Variants in PIGN observed in about 807,000 individuals in gnomAD.
The protein encoded by PIGN is GPI ethanolamine phosphate transferase 1.
PIGN carries 117 observed loss-of-function variants against 125.4 expected under a neutral mutation model. The observed-to-expected ratio is 0.93, with a 90% confidence interval of 0.80 to 1.09. The LOEUF is 1.09. Among genes scored for constraint, PIGN ranks in the 50% least tolerant of loss-of-function variants. The pLI, the probability that PIGN is intolerant of heterozygous loss-of-function variation, is 0.00. For missense variants in PIGN, 1,075 were observed against 1,094.9 expected, an observed-to-expected ratio of 0.98 and a Z score of 0.26; for synonymous variants, 392 against 377.8, an observed-to-expected ratio of 1.04 and a Z score of -0.44.
rs542457058 is a variant in PIGN, at chr18:62,172,560, TATTTGTAAATGCAAATGTGC to T, written c.-235-8924_-235-8905del. On this transcript the variant is annotated intron_variant, in intron 1 of 30. Transcript: ENST00000640252. Reference sequence around the variant, plus strand: ...CTTAACTTATAAGTACATTAAGATGTATTTGTAAATGCAAATGTGCATTTGTAAATGCAAATGTATATTTG... The same window carrying T: ...CTTAACTTATAAGTACATTAAGATGTATTTGTAAATGCAAATGTATATTTG... Among the ~76,000 whole-genome samples, 61 of 152,276 alleles carry T rather than the reference TATTTGTAAATGCAAATGTGC, an allele frequency of 4.0e-4. 1 individual carries two copies. The highest frequency in any genetic ancestry group is 2.5e-3 in the East Asian group (13 of 5,180).
intron 1 of PIGN, among the ~76,000 whole-genome samples, chr18:62,172,696 G>A (rs554260006): frequency 2.0e-5 from 3 of 152,238 alleles, no homozygotes; most frequent in South Asian, 4.1e-4. Flanking sequence ...CCACTGCACT[G>A]CTTTGCTAAG....
At chr18:62,061,880 C>T (rs1285587356) in intron 30 of PIGN, among the ~76,000 whole-genome samples, 1 of 152,170 alleles carries the variant, frequency 6.6e-6, no homozygotes, top group Admixed American at 6.5e-5. Flanking sequence ...TGAACCCTAT[C>T]GTATGGTGCT....
intron 14 of PIGN, among the ~76,000 whole-genome samples, chr18:62,121,129 T>A (rs1178341738): frequency 6.6e-6 from 1 of 152,174 alleles, no homozygotes; most frequent in Non-Finnish European, 1.5e-5. Context: ...CATTTGCCAA[T>A]GACACACTAG....
chr18:62,051,601 T>C (rs1352157289), intron 30 of PIGN, among the ~76,000 whole-genome samples: 1 of 152,194 alleles, frequency 6.6e-6, no homozygotes. Context: ...TTTTCTTCTT[T>C]ATTAGTCTTG....
chr18:62,033,627 C>T (rs2030221926), intron 23 of PIGN, among the ~76,000 whole-genome samples: 1 of 152,096 alleles, frequency 6.6e-6, no homozygotes, highest in Non-Finnish European at 1.5e-5. Context: ...TATTTGAACT[C>T]TTCCCTCAAG....
At position 62,045,082 on chromosome 18, in the gene PIGN, G is replaced by A. The variant is rs1181833923; in HGVS notation, c.*774C>T. 4 of 151,918 alleles carry A rather than the reference G, an allele frequency of 2.6e-5. No individual in the cohort carries two copies. The highest frequency in any genetic ancestry group is 4.4e-5 in the Non-Finnish European group (3 of 67,974). 9.4% of individuals were successfully genotyped at this position (151,918 alleles called of 1,614,324 possible). A position where few individuals can be genotyped will look rare whatever the true frequency, so the allele number is the denominator to read the frequency against. On this transcript the variant is annotated 3_prime_UTR_variant, in exon 31 of 31. Coordinates refer to ENST00000640252, the MANE Select transcript of PIGN (RefSeq NM_176787.5). ...ATTCAAAGGGAAAGAAACAATATAC[G>A]AAAAAGCTATGGGGTAACAGATGTT...
At chr18:62,114,759 A>C in intron 14 of PIGN, 120 bp from the exon 15 acceptor site, 1 of 494,602 alleles carries the variant, frequency 2.0e-6, no homozygotes. Context: ...CAAAACAAAA[A>C]TCAAAGAAAA....
In PIGN at chr18:62,097,825, G is replaced by A. The variant is rs934581306; in HGVS notation, c.2078-1875C>T. On this transcript the variant is annotated intron_variant, in intron 22 of 30. Coordinates refer to ENST00000640252, the MANE Select transcript of PIGN (RefSeq NM_176787.5). ...ATGAGAGATGTATCGACTCTCCCCC[G>A]GGATAATAAAAGCAACTACCCAAGT... Among the ~76,000 whole-genome samples the A allele has an allele frequency of 3.9e-5, 6 of 151,940 alleles. No homozygotes were observed. The South Asian group carries it at 6.2e-4, about 16-fold the overall frequency.
chr18:62,102,056 T>G (rs62095313), intron 21 of PIGN, among the ~76,000 whole-genome samples: 1 of 151,486 alleles, frequency 6.6e-6, no homozygotes, highest in Non-Finnish European at 1.5e-5. Context: ...GGTGAAACCC[T>G]GACTCTACTA....
chr18:62,081,102 C>A lies in PIGN; in HGVS notation c.2576+1571G>T, dbSNP rs532054564. Among the ~76,000 whole-genome samples the A allele has an allele frequency of 2.6e-5, 4 of 152,224 alleles. No individual in the cohort carries two copies. The South Asian group carries it at 8.3e-4, about 32-fold the overall frequency. On this transcript the variant is annotated intron_variant, in intron 28 of 30. Transcript: ENST00000640252. ...TCGGAAGAGAAGCAGAATCATTTCACTGGTTTGTTATACTGAACTCGTCCT... is the reference window on the plus strand; with the variant it reads ...TCGGAAGAGAAGCAGAATCATTTCAATGGTTTGTTATACTGAACTCGTCCT...
intron 23 of PIGN, among the ~76,000 whole-genome samples, chr18:62,032,621 T>C (rs2030206839): frequency 6.6e-6 from 1 of 152,256 alleles, no homozygotes; most frequent in Admixed American, 6.5e-5. Context: ...CTTATGCTGA[T>C]GACAAGACAA....
At chr18:62,069,339 T>A (rs1568138817) in intron 30 of PIGN, 1 of 152,210 alleles carries the variant, frequency 6.6e-6, no homozygotes, top group Non-Finnish European at 1.5e-5. Flanking sequence ...TTGGCACCTG[T>A]TTAGAGTCAA....
At chr18:62,104,782 A>G (rs938542193) in intron 20 of PIGN, among the ~76,000 whole-genome samples, 5 of 152,198 alleles carry the variant, frequency 3.3e-5, no homozygotes, top group Non-Finnish European at 5.9e-5. Context: ...AAATGCTTAT[A>G]GCATTCTGAA....
At chr18:62,087,642 G>C (rs758629993) in intron 25 of PIGN, among the ~76,000 whole-genome samples, 1 of 152,146 alleles carries the variant, frequency 6.6e-6, no homozygotes, top group Non-Finnish European at 1.5e-5. Flanking sequence ...GCAAAACAGA[G>C]TAAAAGCAAG....
chr18:62,062,973 G>A (rs1298514602), intron 30 of PIGN, among the ~76,000 whole-genome samples: 1 of 141,882 alleles, frequency 7.0e-6, no homozygotes, highest in Non-Finnish European at 1.5e-5. Flanking sequence ...GGAATGTTAA[G>A]GATAAGGCTG....
chr18:62,054,256 A>C lies in PIGN; in HGVS notation c.2673-8277T>G, dbSNP rs1362333968. ...CATGGACTTAAAAGTAAAATGTAAA[A>C]ACATAAACATTTTAGAAAAAAAATC... On this transcript the variant is annotated intron_variant, in intron 30 of 30. Transcript: ENST00000640252. Among the ~76,000 whole-genome samples the C allele has an allele frequency of 5.6e-4, 85 of 152,126 alleles. 1 individual carries two copies. The highest frequency in any genetic ancestry group is 5.9e-5 in the Non-Finnish European group (4 of 68,032).
At chr18:62,131,489 G>C (rs2035736019) in intron 14 of PIGN, among the ~76,000 whole-genome samples, 2 of 151,918 alleles carry the variant, frequency 1.3e-5, no homozygotes, top group Non-Finnish European at 2.9e-5. Context: ...GCCTCTCCTG[G>C]TCATGTAGCT....
At chr18:62,162,649 G>C (rs2036997084) in intron 2 of PIGN, 1 of 152,058 alleles carries the variant, frequency 6.6e-6, no homozygotes, top group Admixed American at 6.5e-5. Flanking sequence ...AAATATCAAA[G>C]ATATTCTACA....
downstream of PIGN, among the ~76,000 whole-genome samples, chr18:62,037,241 T>A (rs947969425): frequency 1.3e-5 from 2 of 152,244 alleles, no homozygotes; most frequent in African/African-American, 4.8e-5. Context: ...ATTAAAAGTT[T>A]TCGCTTTAGA....
Sources: allele counts gnomAD v4.1 joint callset (sites outside exome capture counted in the v4.1 genomes callset), GRCh38; gene constraint gnomAD v4.1.1; transcripts MANE v1.5; gene names NCBI Gene and HGNC (gene_info 2026-07-23, HGNC 2026-07-21).